Variants in AFF2 observed in about 807,000 individuals in gnomAD.
The protein encoded by AFF2 is AF4/FMR2 family member 2.
AFF2 carries 14 observed loss-of-function variants against 76.9 expected under a neutral mutation model. That is an observed-to-expected ratio of 0.18 (90% confidence interval 0.12 to 0.28). AFF2 has a LOEUF of 0.28. Among genes scored for constraint, AFF2 ranks in the 10% least tolerant of loss-of-function variants. The pLI is 1.00. For missense variants in AFF2, 868 were observed against 1,001.1 expected (o/e 0.87, Z 1.79); for synonymous variants, 398 against 366.7 (o/e 1.09, Z -0.98).
intron 3 of AFF2, among the ~76,000 whole-genome samples, chrX:148,716,066 A>G (rs2055022308): frequency 9.0e-6 from 1 of 111,373 alleles, no homozygotes. Flanking sequence ...GCATAGGTGC[A>G]TTTTACATAA....
intron 4 of AFF2, among the ~76,000 whole-genome samples, chrX:148,814,289 T>C (rs2070238137): frequency 8.9e-6 from 1 of 111,952 alleles, no homozygotes; most frequent in Non-Finnish European, 1.9e-5. Flanking sequence ...GAGAGCAGCA[T>C]GCTCTAAATG....
At chrX:148,944,753 C>T (rs782787367) in intron 9 of AFF2, among the ~76,000 whole-genome samples, 1 of 110,604 alleles carries the variant, frequency 9.0e-6, no homozygotes, top group Admixed American at 9.5e-5. Context: ...CTGACATCCT[C>T]CATAGTGTCA....
chrX:148,982,285 C>T (rs185924356), intron 19 of AFF2, among the ~76,000 whole-genome samples: 3 of 112,343 alleles, frequency 2.7e-5, no homozygotes, highest in African/African-American at 9.7e-5. Context: ...ACTGAGGCAA[C>T]TCAAAACAGT....
chrX:148,896,339 CA>C (rs1471048561), intron 8 of AFF2, among the ~76,000 whole-genome samples: 1 of 111,737 alleles, frequency 8.9e-6, no homozygotes, highest in Non-Finnish European at 1.9e-5. Flanking sequence ...CTGTTCTCAG[CA>C]ACTTTTCTGT....
intron 4 of AFF2, among the ~76,000 whole-genome samples, chrX:148,832,127 A>C (rs1284716716): frequency 1.8e-5 from 2 of 111,594 alleles, no homozygotes; most frequent in African/African-American, 6.5e-5. Context: ...GGAGTACACT[A>C]TCTGTAAAGC....
At chrX:148,650,831 T>C (rs1470811100) in intron 1 of AFF2, among the ~76,000 whole-genome samples, 3 of 112,374 alleles carry the variant, frequency 2.7e-5, no homozygotes, top group Non-Finnish European at 5.6e-5. Context: ...GCCTGTCAAC[T>C]GTAGTTTTAT....
rs1351323261 is a variant in AFF2, at chrX:148,999,578, CAGTG to C, written c.*8247_*8250del. 1 of 108,323 alleles carries C rather than the reference CAGTG, an allele frequency of 9.2e-6. No individual in the cohort carries two copies. The highest frequency in any genetic ancestry group is 1.9e-5 in the Non-Finnish European group (1 of 52,240). The allele number at this position is 108,323 out of a possible 1,213,427, so 8.9% of individuals were successfully genotyped here. Reference sequence around the variant, plus strand: ...TAACTGCACAAAGAGTACACATCGTCAGTGTGTGTGTGTGTGTGTGTGTGCGCGC... The same window carrying C: ...TAACTGCACAAAGAGTACACATCGTCTGTGTGTGTGTGTGTGTGTGCGCGC... On this transcript the variant is annotated 3_prime_UTR_variant, in exon 21 of 21. Coordinates refer to ENST00000370460, the MANE Select transcript of AFF2 (RefSeq NM_002025.4).
chrX:148,508,239 A>G (rs1261990389), intron 1 of AFF2, among the ~76,000 whole-genome samples: 6 of 112,361 alleles, frequency 5.3e-5, no homozygotes, highest in South Asian at 3.6e-4. Context: ...ACCATCTTCA[A>G]TGAAAACCAG....
chrX:148,906,637 T>G (rs1230963734), intron 9 of AFF2, among the ~76,000 whole-genome samples: 2 of 111,982 alleles, frequency 1.8e-5, no homozygotes, highest in East Asian at 5.6e-4. Flanking sequence ...ACCCAGGCAT[T>G]TGAGCCAGAT....
In AFF2 at chrX:148,678,047, A is replaced by G. The variant is rs1185401233; in HGVS notation, c.1041+15279A>G. ...GCAATTATGTTTTTTTCAAATATAGAGAAATTAATCATAATGTATTTACTT... is the reference window on the plus strand; with the variant it reads ...GCAATTATGTTTTTTTCAAATATAGGGAAATTAATCATAATGTATTTACTT... On this transcript the variant is annotated intron_variant, in intron 3 of 20. Transcript: ENST00000370460. Among the ~76,000 whole-genome samples, 3 of 112,173 alleles carry G rather than the reference A, an allele frequency of 2.7e-5. No individual in the cohort carries two copies. In the East Asian group the frequency reaches 8.3e-4, roughly 31 times the overall value.
intron 1 of AFF2, among the ~76,000 whole-genome samples, chrX:148,581,325 C>T (rs868953007): frequency 1.8e-5 from 1 of 54,785 alleles, no homozygotes; most frequent in African/African-American, 5.9e-5. Flanking sequence ...CGTGTACACA[C>T]ATATATACGT....
At chrX:148,565,973 G>A (rs1310009632) in intron 1 of AFF2, among the ~76,000 whole-genome samples, 1 of 111,169 alleles carries the variant, frequency 9.0e-6, no homozygotes, top group Non-Finnish European at 1.9e-5. Flanking sequence ...ATATAAATAT[G>A]TGCGTGTATA....
intron 9 of AFF2, among the ~76,000 whole-genome samples, chrX:148,929,673 A>G (rs1221550199): frequency 8.9e-6 from 1 of 112,063 alleles, no homozygotes; most frequent in Non-Finnish European, 1.9e-5. Context: ...CTCTCAGCAG[A>G]TCACTCACTA....
intron 3 of AFF2, among the ~76,000 whole-genome samples, chrX:148,707,321 C>T (rs782276714): frequency 2.7e-5 from 3 of 110,705 alleles, no homozygotes; most frequent in South Asian, 3.8e-4. Flanking sequence ...TTTATCTATT[C>T]GTTGTAGAGA....
intron 1 of AFF2, among the ~76,000 whole-genome samples, chrX:148,650,466 T>C (rs782807648): frequency 8.9e-6 from 1 of 112,164 alleles, no homozygotes; most frequent in South Asian, 3.7e-4. Flanking sequence ...TTCTTTGCTT[T>C]ACTCAGACAG....
At chrX:148,823,539 C>T (rs1557272737) in intron 4 of AFF2, among the ~76,000 whole-genome samples, 1 of 112,249 alleles carries the variant, frequency 8.9e-6, no homozygotes, top group Non-Finnish European at 1.9e-5. Context: ...GTATTTCCAT[C>T]ACTGTAGAAA....
chrX:148,895,406 T>G lies in AFF2; in HGVS notation c.1360-8815T>G, dbSNP rs185102519. Among the ~76,000 whole-genome samples the G allele has an allele frequency of 3.7e-4, 41 of 111,792 alleles. 1 individual carries two copies. In the East Asian group the frequency reaches 8.5e-3, roughly 23 times the overall value. On this transcript the variant is annotated intron_variant, in intron 8 of 20. Transcript: ENST00000370460. The stretch of plus-strand genomic sequence containing the variant: ...GTGTTAATACCCATGTAATTTTATT[T>G]GAATATTGACATAAGTGACACCCAC...
intron 13 of AFF2, among the ~76,000 whole-genome samples, chrX:148,965,637 T>G (rs2072163017): frequency 8.9e-6 from 1 of 111,862 alleles, no homozygotes; most frequent in Non-Finnish European, 1.9e-5. Flanking sequence ...GTTTGATTAG[T>G]GATTTGGTTT....
intron 1 of AFF2, among the ~76,000 whole-genome samples, chrX:148,604,860 G>T (rs1399424959): frequency 9.0e-6 from 1 of 111,648 alleles, no homozygotes; most frequent in Non-Finnish European, 1.9e-5. Context: ...ATAAATCAAA[G>T]TTCTGTGATT....
Sources: allele counts gnomAD v4.1 joint callset (sites outside exome capture counted in the v4.1 genomes callset), GRCh38; gene constraint gnomAD v4.1.1; transcripts MANE v1.5; gene names NCBI Gene and HGNC (gene_info 2026-07-23, HGNC 2026-07-21).